The following DRC5 variants were observed in gnomAD, a reference collection of about 807,000 sequenced individuals.
DRC5 encodes T-complex-associated testis-expressed protein 1.
chr6:44,285,862 A>T, the DRC5 span: 1 of 1,149,120 alleles, frequency 8.7e-7, no homozygotes, highest in Non-Finnish European at 1.2e-6. Flanking sequence ...AATGAAAGAG[A>T]AGGAAATAGG....
chr6:44,286,299 T>A, the DRC5 span: 2 of 1,613,228 alleles, frequency 1.2e-6, no homozygotes. Flanking sequence ...GGGTCTGTGG[T>A]GCCTGGGATA....
chr6:44,290,185 G>A, the DRC5 span, among the ~76,000 whole-genome samples: 4 of 152,148 alleles, frequency 2.6e-5, no homozygotes, highest in African/African-American at 9.7e-5. Flanking sequence ...GGGCTGGAGG[G>A]GGTTGCTGCT....
chr6:44,282,374 G>A, the DRC5 span: 85 of 1,614,228 alleles, frequency 5.3e-5, no homozygotes, highest in East Asian at 8.2e-4. Flanking sequence ...CACGCACCTG[G>A]TTGTTAGCCA....
the DRC5 span, among the ~76,000 whole-genome samples, chr6:44,289,715 A>G: frequency 6.6e-6 from 1 of 152,222 alleles, no homozygotes; most frequent in African/African-American, 2.4e-5. Flanking sequence ...AAGACAGCTA[A>G]ATCTGGGGCT....
the DRC5 span, among the ~76,000 whole-genome samples, chr6:44,291,755 G>C: frequency 3.9e-4 from 60 of 152,262 alleles, no homozygotes; most frequent in East Asian, 0.011. Flanking sequence ...TACCAGGATG[G>C]TGAGGCTAGG....
chr6:44,287,539 A>T, the DRC5 span: 10 of 1,598,374 alleles, frequency 6.3e-6, no homozygotes, highest in Non-Finnish European at 8.6e-6. Flanking sequence ...TAAAGCAGGG[A>T]CAGACTCACT....
At chr6:44,293,614 C>T in the DRC5 span, among the ~76,000 whole-genome samples, 1 of 152,216 alleles carries the variant, frequency 6.6e-6, no homozygotes, top group African/African-American at 2.4e-5. Context: ...AGGTCTCCTA[C>T]CTCTAGCCAC....
chr6:44,287,573 G>C, the DRC5 span: 1 of 1,612,304 alleles, frequency 6.2e-7, no homozygotes, highest in Non-Finnish European at 8.5e-7. Context: ...ATAATGTGCT[G>C]AATGCAGAGC....
At chr6:44,287,946 G>T in the DRC5 span, 2 of 1,326,300 alleles carry the variant, frequency 1.5e-6, no homozygotes, top group Non-Finnish European at 2.0e-6. Context: ...GGGTAGAGGT[G>T]TTACTTTGGT....
the DRC5 span, among the ~76,000 whole-genome samples, chr6:44,294,399 A>G: frequency 1.5e-4 from 23 of 152,340 alleles, no homozygotes; most frequent in African/African-American, 5.5e-4. Flanking sequence ...GGATATATGT[A>G]TTCCACACCT....
At chr6:44,290,860 C>T in the DRC5 span, among the ~76,000 whole-genome samples, 1 of 152,146 alleles carries the variant, frequency 6.6e-6, no homozygotes, top group African/African-American at 2.4e-5. Context: ...GGGAGCCACA[C>T]CTGGGAAACC....
the DRC5 span, chr6:44,282,059 TG>T: frequency 6.5e-7 from 1 of 1,542,304 alleles, no homozygotes; most frequent in Non-Finnish European, 8.8e-7. Flanking sequence ...CAAGTACCCC[TG>T]GCAGTTGGAT....
chr6:44,290,430 G>C, the DRC5 span, among the ~76,000 whole-genome samples: 1 of 152,206 alleles, frequency 6.6e-6, no homozygotes, highest in Non-Finnish European at 1.5e-5. Flanking sequence ...GCAGGGGTCT[G>C]AGGCTGCAGA....
chr6:44,291,921 C>A, the DRC5 span, among the ~76,000 whole-genome samples: 1 of 151,826 alleles, frequency 6.6e-6, no homozygotes, highest in African/African-American at 2.4e-5. Flanking sequence ...CCCCACCCCA[C>A]CATCTAGTTA....
the DRC5 span, chr6:44,287,849 TG>T: frequency 6.2e-7 from 1 of 1,606,570 alleles, no homozygotes. Flanking sequence ...AAGGTAGGGG[TG>T]CGTGGCCCCT....
chr6:44,284,803 AC>A, the DRC5 span, among the ~76,000 whole-genome samples: 1 of 151,988 alleles, frequency 6.6e-6, no homozygotes, highest in Non-Finnish European at 1.5e-5. Flanking sequence ...CGCTGAAATG[AC>A]CCTCACCCTC....
the DRC5 span, among the ~76,000 whole-genome samples, chr6:44,294,464 G>A: frequency 6.6e-6 from 1 of 152,078 alleles, no homozygotes; most frequent in African/African-American, 2.4e-5. Flanking sequence ...GGCAAGGGAG[G>A]CGGGATATGG....
chr6:44,286,535 T>G, the DRC5 span: 2 of 1,607,590 alleles, frequency 1.2e-6, no homozygotes, highest in Non-Finnish European at 1.7e-6. Flanking sequence ...AGGGTTTTCT[T>G]TGGGAACAGA....
chr6:44,288,190 A>T, the DRC5 span, among the ~76,000 whole-genome samples: 1 of 152,236 alleles, frequency 6.6e-6, no homozygotes, highest in Non-Finnish European at 1.5e-5. Context: ...ACATGAAACT[A>T]GCAAGGAGCA....
Sources: gnomAD v4.1 joint callset for allele counts (sites outside exome capture counted in the v4.1 genomes callset) on GRCh38, gnomAD v4.1.1 for gene constraint, MANE v1.5 for transcripts, NCBI Gene and HGNC (gene_info 2026-07-23, HGNC 2026-07-21) for gene names.